The following UBQLNL variants were observed in gnomAD, a reference collection of about 807,000 sequenced individuals.
UBQLNL encodes the protein ubiquilin like.
For missense variants in UBQLNL, 589 were observed against 567.1 expected (o/e 1.04, Z -0.39); for synonymous variants, 223 against 209.7 (o/e 1.06, Z -0.55).
At position 5,515,487 on chromosome 11, in the gene UBQLNL, G is replaced by T. The variant is rs1590040413; in HGVS notation, c.955C>A (p.Gln319Lys). Residue 319 changes from glutamine to lysine, a missense_variant, in exon 1 of 1, where the codon CAA becomes AAA. Physicochemically the swap from Gln to Lys is moderately conservative, Grantham distance 53 (BLOSUM62 1). Coordinates refer to ENST00000380184, the MANE Select transcript of UBQLNL (RefSeq NM_145053.5). ...SPPPPPPSQE[Q>K]QDQLTQHPAT... Reference sequence around the variant, plus strand: ...GGATGCTGTGTGAGCTGGTCTTGTTGTTCCTGTGATGGTGGTGGAGGTGGG... The same window carrying T: ...GGATGCTGTGTGAGCTGGTCTTGTTTTTCCTGTGATGGTGGTGGAGGTGGG... The T allele has an allele frequency of 6.2e-6, 10 of 1,613,970 alleles. No homozygotes were observed. The East Asian group carries it at 2.0e-4, about 32-fold the overall frequency.
chr11:5,516,667 T>C lies in UBQLNL; in HGVS notation c.-226A>G. The C allele has an allele frequency of 1.8e-6, 1 of 545,856 alleles. No homozygotes were observed. The highest frequency in any genetic ancestry group is 3.2e-5 in the East Asian group (1 of 31,618). 33.8% of individuals were successfully genotyped at this position (545,856 alleles called of 1,614,324 possible). Reference sequence around the variant, plus strand: ...GATGTGGCCCAGCTGAGGCCTGGCATAGCTACTGATTCATAATTCACCCAT... The same window carrying C: ...GATGTGGCCCAGCTGAGGCCTGGCACAGCTACTGATTCATAATTCACCCAT... On this transcript the variant is annotated 5_prime_UTR_variant, in exon 1 of 1. It removes an upstream start codon present in the reference 5' UTR. Coordinates refer to ENST00000380184, the MANE Select transcript of UBQLNL (RefSeq NM_145053.5).
chr11:5,516,692 T>C lies in UBQLNL; in HGVS notation c.-251A>G. On this transcript the variant is annotated 5_prime_UTR_variant, in exon 1 of 1. It removes an upstream start codon present in the reference 5' UTR. Coordinates refer to ENST00000380184, the MANE Select transcript of UBQLNL (RefSeq NM_145053.5). ...TAGCTACTGATTCATAATTCACCCATGGTGGACAAAGTGGTGATGACTTCT... is the reference window on the plus strand; with the variant it reads ...TAGCTACTGATTCATAATTCACCCACGGTGGACAAAGTGGTGATGACTTCT... The C allele has an allele frequency of 2.0e-6, 1 of 491,272 alleles. No homozygotes were observed. Among genetic ancestry groups the C allele is most frequent in the Non-Finnish European group, 3.8e-6 (1 of 263,912 alleles). 30.4% of individuals were successfully genotyped at this position (491,272 alleles called of 1,614,324 possible).
rs1846512551 is a variant in UBQLNL, at chr11:5,515,245, G to A, written c.1197C>T (p.Ala399=). 1 of 1,614,196 alleles carries A rather than the reference G, an allele frequency of 6.2e-7. No homozygotes were observed. Among genetic ancestry groups the A allele is most frequent in the East Asian group, 2.2e-5 (1 of 44,876 alleles). The part of the protein sequence containing the change: ...TQQLQEEYKD[A]TVSLSSSRQT... ...GTCTGGAGCTACTTAGAGAAACAGT[G>A]GCATCCTTGTATTCTTCTTGAAGCT... Residue 399 remains alanine, a synonymous_variant, in exon 1 of 1, where the codon GCC becomes GCT. Coordinates refer to ENST00000380184, the MANE Select transcript of UBQLNL (RefSeq NM_145053.5).
At position 5,514,720 on chromosome 11, in the gene UBQLNL, T is replaced by C. The variant is rs185253171; in HGVS notation, c.*294A>G. ...ATGGCCTGGAGAGAATCCATCTGTT[T>C]GCTAAAACAAATCTCAGGAGCTTGC... On this transcript the variant is annotated 3_prime_UTR_variant, in exon 1 of 1. Transcript: ENST00000380184. 7.7e-5 allele frequency: 29 copies of C among 376,080 alleles called. No homozygotes were observed. In the East Asian group the frequency reaches 1.2e-3, roughly 16 times the overall value. The allele number at this position is 376,080 out of a possible 1,614,324, so 23.3% of individuals were successfully genotyped here.
At position 5,515,894 on chromosome 11, in the gene UBQLNL, C is replaced by A. The variant is rs557573869; in HGVS notation, c.548G>T (p.Arg183Leu). ...AQMLENPSIQ[R>L]LLSNMEFMWQ... ...CATGAACTCCATGTTGGACAGAAGCCGCTGGATGCTAGGATTCTCCAGCAT... is the reference window on the plus strand; with the variant it reads ...CATGAACTCCATGTTGGACAGAAGCAGCTGGATGCTAGGATTCTCCAGCAT... Residue 183 changes from arginine (R) to leucine (L), a missense_variant, in exon 1 of 1, where the codon CGG (arginine) becomes CTG (leucine). Transcript: ENST00000380184. 8 of 1,613,910 alleles carry A rather than the reference C, an allele frequency of 5.0e-6. No homozygotes were observed. The highest frequency in any genetic ancestry group is 6.8e-6 in the Non-Finnish European group (8 of 1,180,026).
chr11:5,515,130 A>G lies in UBQLNL; in HGVS notation c.1312T>C (p.Tyr438His). 1.2e-6 allele frequency: 2 copies of G among 1,614,246 alleles called. No individual in the cohort carries two copies. Among genetic ancestry groups the G allele is most frequent in the African/African-American group, 1.3e-5 (1 of 75,074 alleles). ...GMMQLLMNNP[Y>H]LAAQIMLFTS... ...AACAACATAATCTGAGCTGCCAGGT[A>G]GGGGTTGTTCATAAGCAACTGCATC... Residue 438 changes from tyrosine to histidine, a missense_variant, in exon 1 of 1, where the codon TAC (tyrosine) becomes CAC (histidine). Physicochemically the swap from Tyr to His is moderately conservative, Grantham distance 83 (BLOSUM62 2). Transcript: ENST00000380184.
In UBQLNL at chr11:5,514,848, TTCC is replaced by T. The variant is rs1435048674; in HGVS notation, c.*163_*165del. On this transcript the variant is annotated 3_prime_UTR_variant, in exon 1 of 1. Transcript: ENST00000380184. ...CTTGGGCTCAGCTGTATCTGAAACA[TTCC>T]AGGAACAGGGCACTGTGTCAGGATA... 3.0e-6 allele frequency: 2 copies of T among 673,740 alleles called. No homozygotes were observed. Among genetic ancestry groups the T allele is most frequent in the Non-Finnish European group, 5.1e-6 (2 of 395,198 alleles). 41.7% of individuals were successfully genotyped at this position (673,740 alleles called of 1,614,324 possible).
chr11:5,515,612 A>T lies in UBQLNL; in HGVS notation c.830T>A (p.Ile277Asn), dbSNP rs1846521318. ...NNALGQNYAD[I>N]NDQMLNSMQD... ...CATGCTGTTCAGCATTTGATCATTGATATCAGCATAGTTCTGACCCAGGGC... is the reference window on the plus strand; with the variant it reads ...CATGCTGTTCAGCATTTGATCATTGTTATCAGCATAGTTCTGACCCAGGGC... Residue 277 changes from isoleucine to asparagine, a missense_variant, in exon 1 of 1, where the codon ATC becomes AAC. Ile to Asn is a moderately radical substitution (Grantham distance 149). Transcript: ENST00000380184. 6.2e-7 allele frequency: 1 copy of T among 1,614,102 alleles called. No individual in the cohort carries two copies. Among genetic ancestry groups the T allele is most frequent in the Non-Finnish European group, 8.5e-7 (1 of 1,180,030 alleles).
rs376079766 is a variant in UBQLNL, at chr11:5,514,981, T to A, written c.*33A>T. On this transcript the variant is annotated 3_prime_UTR_variant, in exon 1 of 1. Coordinates refer to ENST00000380184, the MANE Select transcript of UBQLNL (RefSeq NM_145053.5). ...GCCAGCAGCTGGAGGGCCTGCTCAA[T>A]CTGCAATATTGCTTGGAATGCTTTA... 8 of 1,586,626 alleles carry A rather than the reference T, an allele frequency of 5.0e-6. No individual in the cohort carries two copies. In the African/African-American group the frequency reaches 9.4e-5, roughly 19 times the overall value.
In UBQLNL at chr11:5,515,946, C is replaced by T. The variant is rs146180638; in HGVS notation, c.496G>A (p.Val166Met). 3 of 1,614,146 alleles carry T rather than the reference C, an allele frequency of 1.9e-6. No homozygotes were observed. The highest frequency in any genetic ancestry group is 2.5e-6 in the Non-Finnish European group (3 of 1,180,000). ...APKVHTQNLE[V>M]SHPECKAQML... ...TGTGCTTTGCACTCTGGGTGGCTCA[C>T]TTCCAAGTTTTGGGTATGCACTTTG... Residue 166 changes from valine to methionine, a missense_variant, in exon 1 of 1, where the codon GTG (valine) becomes ATG (methionine). Transcript: ENST00000380184.
chr11:5,514,676 AT>A lies in UBQLNL; in HGVS notation c.*337del, dbSNP rs1846504225. The A allele has an allele frequency of 3.8e-6, 1 of 259,982 alleles. No individual in the cohort carries two copies. Among genetic ancestry groups the A allele is most frequent in the Admixed American group, 4.9e-5 (1 of 20,316 alleles). The allele number at this position is 259,982 out of a possible 1,614,324, so 16.1% of individuals were successfully genotyped here. ...TAGCAATGAGTGCCTGTAGATTGGC[AT>A]GGTGGTTCCCAAATCCCATGGCCTG... On this transcript the variant is annotated 3_prime_UTR_variant, in exon 1 of 1. Transcript: ENST00000380184.
Position 5,516,016 on chromosome 11 carries a change from A to T in UBQLNL, c.426T>A (p.Asn142Lys). Residue 142 changes from asparagine (N) to lysine (K), a missense_variant, in exon 1 of 1, where the codon AAT (asparagine) becomes AAA (lysine). Asn to Lys is a moderately conservative substitution (Grantham distance 94, BLOSUM62 0). Transcript: ENST00000380184. ...AGTGGGCCAGTTCCACTGGAGCTTG[A>T]TTCATACCAGTTGGTTGGTGCACTC... ...SSRVHQPTGM[N>K]QAPVELAHFV... The T allele has an allele frequency of 6.2e-7, 1 of 1,613,932 alleles. No homozygotes were observed. Among genetic ancestry groups the T allele is most frequent in the Non-Finnish European group, 8.5e-7 (1 of 1,179,980 alleles).
In UBQLNL at chr11:5,516,421, T is replaced by C. The variant is rs1846537648; in HGVS notation, c.21A>G (p.Arg7=). MWHAIS[R]TSRMSQSGCP... is the part of the protein sequence containing the mutation. ...ATCCACTCTGGGACATCCTGGATGT[T>C]CGAGAGATGGCATGCCACATGGGCT... Residue 7 remains arginine (R), a synonymous_variant, in exon 1 of 1, where the codon CGA becomes CGG. Coordinates refer to ENST00000380184, the MANE Select transcript of UBQLNL (RefSeq NM_145053.5). 2.5e-6 allele frequency: 4 copies of C among 1,613,656 alleles called. No individual in the cohort carries two copies. The Admixed American group carries it at 6.7e-5, about 27-fold the overall frequency.
chr11:5,516,134 T>A lies in UBQLNL; in HGVS notation c.308A>T (p.Lys103Met). ...ATGGGCTAGAGATCTGGAGCCCTGC[T>A]TGGACTTGATGACCAAGTAGATGGT... ...GHTIYLVIKS[K>M]QGSRSLAHSF... is the part of the protein sequence containing the mutation. The change falls in exon 1 of 1, where the codon AAG becomes ATG. Residue 103 changes from lysine (K) to methionine (M), a missense_variant. Physicochemically the swap from Lys to Met is moderately conservative, Grantham distance 95 (BLOSUM62 -1). Coordinates refer to ENST00000380184, the MANE Select transcript of UBQLNL (RefSeq NM_145053.5). 1 of 1,614,162 alleles carries A rather than the reference T, an allele frequency of 6.2e-7. No homozygotes were observed. The highest frequency in any genetic ancestry group is 8.5e-7 in the Non-Finnish European group (1 of 1,180,012).
chr11:5,515,585 T>G lies in UBQLNL; in HGVS notation c.857A>C (p.Gln286Pro). 6.2e-7 allele frequency: 1 copy of G among 1,614,154 alleles called. No individual in the cohort carries two copies. Among genetic ancestry groups the G allele is most frequent in the Non-Finnish European group, 8.5e-7 (1 of 1,180,034 alleles). The change falls in exon 1 of 1, where the codon CAA becomes CCA. Residue 286 changes from glutamine to proline, a missense_variant. By Grantham distance (76) the Gln-to-Pro change is moderately conservative. Transcript: ENST00000380184. Reference sequence around the variant, plus strand: ...GAAAGGGTTTCCTCCAAAAGGATCTTGCATGCTGTTCAGCATTTGATCATT... The same window carrying G: ...GAAAGGGTTTCCTCCAAAAGGATCTGGCATGCTGTTCAGCATTTGATCATT... ...DINDQMLNSM[Q>P]DPFGGNPFTA...
In UBQLNL at chr11:5,514,709, A is replaced by T. The variant is rs1028523625; in HGVS notation, c.*305T>A. 2.3e-5 allele frequency: 8 copies of T among 347,486 alleles called. No homozygotes were observed. Among genetic ancestry groups the T allele is most frequent in the Non-Finnish European group, 4.2e-5 (8 of 190,816 alleles). 21.5% of individuals were successfully genotyped at this position (347,486 alleles called of 1,614,324 possible). ...TCCCAAATCCCATGGCCTGGAGAGA[A>T]TCCATCTGTTTGCTAAAACAAATCT... On this transcript the variant is annotated 3_prime_UTR_variant, in exon 1 of 1. Coordinates refer to ENST00000380184, the MANE Select transcript of UBQLNL (RefSeq NM_145053.5).
rs1023278981 is a variant in UBQLNL at position 5,514,842 on chromosome 11, G to A, written c.*172C>T. 1 of 661,458 alleles carries A rather than the reference G, an allele frequency of 1.5e-6. No individual in the cohort carries two copies. Among genetic ancestry groups the A allele is most frequent in the Non-Finnish European group, 2.6e-6 (1 of 386,604 alleles). The allele number at this position is 661,458 out of a possible 1,614,324, so 41.0% of individuals were successfully genotyped here. A position where few individuals can be genotyped will look rare whatever the true frequency, so the allele number is the denominator to read the frequency against. On this transcript the variant is annotated 3_prime_UTR_variant, in exon 1 of 1. Transcript: ENST00000380184. ...AGGTCCCTTGGGCTCAGCTGTATCT[G>A]AAACATTCCAGGAACAGGGCACTGT...
chr11:5,515,867 C>T lies in UBQLNL; in HGVS notation c.545G>A (p.Trp182Ter), dbSNP rs763080567. Residue 182 changes from tryptophan to a stop codon, truncating the protein, a stop_gained, in exon 2 of 2, where the codon TGG becomes TAG. Coordinates refer to the UBQLNL transcript ENST00000673910. LOFTEE classifies it low-confidence loss of function (END_TRUNC). The stretch of plus-strand genomic sequence containing the variant: ...GTCTAGATGTTCTGAAATGAACTGC[C>T]ACATGAACTCCATGTTGGACAGAAG... The T allele has an allele frequency of 1.2e-6, 2 of 1,614,092 alleles. No individual in the cohort carries two copies. Among genetic ancestry groups the T allele is most frequent in the Non-Finnish European group, 1.7e-6 (2 of 1,180,040 alleles).
chr11:5,516,103 G>A lies in UBQLNL; in HGVS notation c.339C>T (p.Phe113=), dbSNP rs1265542643. 4 of 1,614,088 alleles carry A rather than the reference G, an allele frequency of 2.5e-6. No individual in the cohort carries two copies. In the African/African-American group the frequency reaches 4.0e-5, roughly 16 times the overall value. ...KQGSRSLAHS[F]RDLPTNDPCH... ...AGGGATCATTCGTTGGCAGGTCCCGGAAGGAATGGGCTAGAGATCTGGAGC... is the reference window on the plus strand; with the variant it reads ...AGGGATCATTCGTTGGCAGGTCCCGAAAGGAATGGGCTAGAGATCTGGAGC... The change falls in exon 1 of 1, where the codon TTC becomes TTT. Residue 113 remains phenylalanine, a synonymous_variant. Coordinates refer to ENST00000380184, the MANE Select transcript of UBQLNL (RefSeq NM_145053.5).
Sources: gnomAD v4.1 joint callset for allele counts on GRCh38, gnomAD v4.1.1 for gene constraint, MANE v1.5 for transcripts, NCBI Gene and HGNC (gene_info 2026-07-23, HGNC 2026-07-21) for gene names.